The following OR56A3 variants were observed in gnomAD, a reference collection of about 807,000 sequenced individuals.
The protein encoded by OR56A3 is olfactory receptor family 56 subfamily A member 3.
In OR56A3, 23 loss-of-function variants were observed where a neutral mutation model predicts 17.5. The observed-to-expected ratio is 1.32, with a 90% confidence interval of 0.95 to 1.87. The LOEUF is 1.87. Ranked by LOEUF, OR56A3 falls within the 40% of genes most tolerant of loss-of-function variation. The pLI, the probability that OR56A3 is intolerant of heterozygous loss-of-function variation, is 0.00. For missense variants in OR56A3, 366 were observed against 380.1 expected (o/e 0.96, Z 0.31); for synonymous variants, 175 against 150.6 (o/e 1.16, Z -1.19).
chr11:5,967,565 C>T, the OR56A3 span: 1 of 1,588,662 alleles, frequency 6.3e-7, no homozygotes, highest in Non-Finnish European at 8.6e-7. Context: ...ACAACCTCCT[C>T]AGCAGGTTCT....
the OR56A3 span, among the ~76,000 whole-genome samples, chr11:6,005,366 T>C: frequency 6.6e-6 from 1 of 152,286 alleles, no homozygotes; most frequent in South Asian, 2.1e-4. Flanking sequence ...TAATGACTAG[T>C]AATTAGGCAT....
chr11:5,952,237 G>C (rs150407378), downstream of OR56A3, among the ~76,000 whole-genome samples: 1 of 152,316 alleles, frequency 6.6e-6, no homozygotes, highest in South Asian at 2.1e-4. Context: ...GGTGCAAGGC[G>C]GTTGCCACTT....
Position 5,948,121 on chromosome 11 carries a change from C to T in OR56A3, c.775C>T (p.Leu259Phe). Residue 259 changes from leucine (L) to phenylalanine (F), a missense_variant, in exon 3 of 3, where the codon CTT becomes TTT. Leu to Phe is a conservative substitution (Grantham distance 22). Transcript: ENST00000641160. Reference protein sequence around the residue: ...FMLILFFSTILLVFVLTHVAK... With the variant: ...FMLILFFSTIFLVFVLTHVAK... ...GCTCATCCTCTTCTTCAGCACCATC[C>T]TTCTGGTTTTTGTCCTCACACATGT... 6.2e-7 allele frequency: 1 copy of T among 1,614,234 alleles called. No individual in the cohort carries two copies. The highest frequency in any genetic ancestry group is 8.5e-7 in the Non-Finnish European group (1 of 1,180,052).
chr11:5,967,592 C>T, the OR56A3 span: 1 of 1,607,288 alleles, frequency 6.2e-7, no homozygotes, highest in Non-Finnish European at 8.5e-7. Flanking sequence ...CCTGCTTGAT[C>T]TCCTTGGTTC....
the OR56A3 span, among the ~76,000 whole-genome samples, chr11:5,961,024 C>T: frequency 3.4e-4 from 52 of 152,076 alleles, no homozygotes; most frequent in African/African-American, 1.1e-3. Context: ...CCCCTCCGCC[C>T]GGCAGCCGCC....
chr11:5,971,524 T>C, the OR56A3 span, among the ~76,000 whole-genome samples: 1 of 152,212 alleles, frequency 6.6e-6, no homozygotes, highest in Admixed American at 6.5e-5. Context: ...ATTCCTCCTC[T>C]GCTACCTGGA....
Position 5,948,355 on chromosome 11 carries a change from G to A in OR56A3, c.*61G>A. On this transcript the variant is annotated 3_prime_UTR_variant, in exon 3 of 3. Coordinates refer to ENST00000641160, the MANE Select transcript of OR56A3 (RefSeq NM_001003443.3). Reference sequence around the variant, plus strand: ...ATAATTTATTAATCACTTAATGAGTGAGTGGGCTGAAATTCATATCTGTGA... The same window carrying A: ...ATAATTTATTAATCACTTAATGAGTAAGTGGGCTGAAATTCATATCTGTGA... 1 of 1,148,376 alleles carries A rather than the reference G, an allele frequency of 8.7e-7. No individual in the cohort carries two copies. The highest frequency in any genetic ancestry group is 1.5e-5 in the South Asian group (1 of 67,750). 71.1% of individuals were successfully genotyped at this position (1,148,376 alleles called of 1,614,324 possible). A position where few individuals can be genotyped will look rare whatever the true frequency, so the allele number is the denominator to read the frequency against.
chr11:5,967,453 C>T, the OR56A3 span: 1 of 880,674 alleles, frequency 1.1e-6, no homozygotes. Flanking sequence ...CAAGTCTAAA[C>T]TTATTCTCGC....
the OR56A3 span, chr11:5,986,478 G>A: frequency 6.2e-7 from 1 of 1,613,950 alleles, no homozygotes; most frequent in South Asian, 1.1e-5. Flanking sequence ...GCAGGATTGT[G>A]GAATGGTGCA....
the OR56A3 span, among the ~76,000 whole-genome samples, chr11:5,961,171 G>T: frequency 6.6e-6 from 1 of 151,852 alleles, no homozygotes; most frequent in African/African-American, 2.4e-5. Context: ...AGTCTGGGAG[G>T]TGGGGGGCCC....
At chr11:5,954,171 G>C (rs543701886), downstream of OR56A3, among the ~76,000 whole-genome samples, 77 of 152,282 alleles carry the variant, frequency 5.1e-4, no homozygotes, top group Non-Finnish European at 9.4e-4. Context: ...CAATGATAAA[G>C]TGTGTGTGAG....
chr11:6,011,546 A>G, the OR56A3 span, among the ~76,000 whole-genome samples: 3 of 152,170 alleles, frequency 2.0e-5, no homozygotes, highest in African/African-American at 7.2e-5. Flanking sequence ...TCATCCTGAA[A>G]GTACAATCAT....
chr11:6,013,085 G>C, the OR56A3 span, among the ~76,000 whole-genome samples: 1 of 152,252 alleles, frequency 6.6e-6, no homozygotes, highest in East Asian at 1.9e-4. Context: ...GTGCCCAGGG[G>C]TGTGGGACTC....
At chr11:6,010,519 T>C in the OR56A3 span, among the ~76,000 whole-genome samples, 1 of 152,196 alleles carries the variant, frequency 6.6e-6, no homozygotes, top group African/African-American at 2.4e-5. Context: ...AGTTTCACCA[T>C]GTTAGAACAG....
At chr11:5,942,912 C>T (rs1400637950) in intron 1 of OR56A3, among the ~76,000 whole-genome samples, 2 of 152,350 alleles carry the variant, frequency 1.3e-5, no homozygotes, top group East Asian at 1.9e-4. Flanking sequence ...ATTCTGTGGG[C>T]CTATCTTGCA....
At chr11:5,974,956 C>A in the OR56A3 span, among the ~76,000 whole-genome samples, 13,545 of 152,140 alleles carry the variant, frequency 0.089, 1,183 homozygotes, top group African/African-American at 0.23. Flanking sequence ...TTCTTTGTGT[C>A]CTCCACTTTT....
chr11:5,943,995 C>T (rs1467658598), intron 1 of OR56A3, among the ~76,000 whole-genome samples: 2 of 152,052 alleles, frequency 1.3e-5, no homozygotes, highest in Non-Finnish European at 2.9e-5. Context: ...GTTTTTGTTC[C>T]ACACTTACAA....
chr11:6,015,017 G>GAAAAAAAAAAAAAA, the OR56A3 span, among the ~76,000 whole-genome samples: 25 of 39,540 alleles, frequency 6.3e-4, no homozygotes, highest in Admixed American at 1.8e-3. Context: ...AAAAAAAAAT[G>GAAAAAAAAAAAAAA]ACCTGAAACT....
rs925897160 is a variant in OR56A3 at position 5,948,761 on chromosome 11, C to G, written c.*467C>G. The stretch of plus-strand genomic sequence containing the variant: ...TCAGTGGTGGAAAGTTGCTACTGGT[C>G]TGTAAGTAGGTCTTTTTCTCTCACC... On this transcript the variant is annotated 3_prime_UTR_variant, in exon 3 of 3. Coordinates refer to ENST00000641160, the MANE Select transcript of OR56A3 (RefSeq NM_001003443.3). 1 of 160,902 alleles carries G rather than the reference C, an allele frequency of 6.2e-6. No homozygotes were observed. Among genetic ancestry groups the G allele is most frequent in the African/African-American group, 2.4e-5 (1 of 41,484 alleles). The allele number at this position is 160,902 out of a possible 1,614,324, so 10.0% of individuals were successfully genotyped here.
Sources: gnomAD v4.1 joint callset for allele counts (sites outside exome capture counted in the v4.1 genomes callset) on GRCh38, gnomAD v4.1.1 for gene constraint, MANE v1.5 for transcripts, NCBI Gene and HGNC (gene_info 2026-07-23, HGNC 2026-07-21) for gene names.